PIK3C2G: variants seen among roughly 807,000 people sequenced by gnomAD.
PIK3C2G encodes the protein phosphatidylinositol 3-kinase C2 domain-containing subunit gamma.
In PIK3C2G, 168 loss-of-function variants were observed where a neutral mutation model predicts 181.1. The ratio of observed to expected loss-of-function variants is 0.93; its 90% CI spans 0.82 to 1.05. The LOEUF (loss-of-function observed/expected upper bound fraction) is 1.05. Ranked by LOEUF, PIK3C2G falls within the 50% of genes least tolerant of loss-of-function variation. The probability of loss-of-function intolerance (pLI) is 0.00; values close to 1 mark genes in which losing one functional copy is unlikely to be tolerated. For synonymous variants in PIK3C2G, 573 were observed against 592.2 expected (o/e 0.97, Z 0.47); for missense variants, 1,869 against 1,732.8 (o/e 1.08, Z -1.40).
At chr12:18,544,770 C>T (rs1356368081) in intron 25 of PIK3C2G, among the ~76,000 whole-genome samples, 2 of 151,804 alleles carry the variant, frequency 1.3e-5, no homozygotes, top group African/African-American at 4.8e-5. Flanking sequence ...TGACAACTCT[C>T]CAGGACTCCC....
intron 20 of PIK3C2G, among the ~76,000 whole-genome samples, chr12:18,494,691 CT>C (rs1301817082): frequency 8.3e-6 from 1 of 121,180 alleles, no homozygotes; most frequent in Non-Finnish European, 1.8e-5. Context: ...TTAAAAACCA[CT>C]GATCTACACT....
intron 15 of PIK3C2G, among the ~76,000 whole-genome samples, chr12:18,391,775 C>T (rs914364652): frequency 6.6e-5 from 10 of 152,072 alleles, no homozygotes; most frequent in Non-Finnish European, 1.2e-4. Flanking sequence ...GTAGTTGATA[C>T]TTGGCAAAAT....
chr12:18,428,771 C>T (rs1945984242), intron 18 of PIK3C2G, among the ~76,000 whole-genome samples: 1 of 152,156 alleles, frequency 6.6e-6, no homozygotes, highest in Non-Finnish European at 1.5e-5. Context: ...AGTGAGTTAA[C>T]TAGAAGCTTT....
intron 12 of PIK3C2G, among the ~76,000 whole-genome samples, chr12:18,367,463 C>A (rs1274898626): frequency 1.3e-5 from 2 of 152,264 alleles, no homozygotes; most frequent in South Asian, 4.1e-4. Context: ...TTATTTTTCT[C>A]CATTAAGTCT....
At position 18,505,364 on chromosome 12, in the gene PIK3C2G, C is replaced by G; in HGVS notation, c.3226C>G (p.His1076Asp). The G allele has an allele frequency of 6.2e-7, 1 of 1,613,188 alleles. No homozygotes were observed. Among genetic ancestry groups the G allele is most frequent in the Non-Finnish European group, 8.5e-7 (1 of 1,179,528 alleles). Residue 1076 changes from histidine (H) to aspartate (D), a missense_variant, in exon 24 of 33, where the codon CAC becomes GAC. By Grantham distance (81) the His-to-Asp change is moderately conservative. Transcript: ENST00000538779. ...VTFILGVCDR[H>D]NDNIMLTKSG... ...ATTCATCCTGGGAGTATGTGACCGT[C>G]ACAATGATAATATCATGCTGACAAA...
intron 15 of PIK3C2G, among the ~76,000 whole-genome samples, chr12:18,392,701 A>T (rs1456784618): frequency 6.6e-6 from 1 of 151,976 alleles, no homozygotes; most frequent in Non-Finnish European, 1.5e-5. Flanking sequence ...CTGCCCACTC[A>T]TGTGTTTAGC....
At chr12:18,545,648 T>C (rs1944384760) in intron 25 of PIK3C2G, among the ~76,000 whole-genome samples, 1 of 151,852 alleles carries the variant, frequency 6.6e-6, no homozygotes, top group African/African-American at 2.4e-5. Flanking sequence ...GGCAGGAAAA[T>C]ATCTTATACA....
At chr12:18,607,812 C>T (rs1206783091) in intron 30 of PIK3C2G, among the ~76,000 whole-genome samples, 1 of 152,092 alleles carries the variant, frequency 6.6e-6, no homozygotes, top group Non-Finnish European at 1.5e-5. Flanking sequence ...TGACAAAGGG[C>T]TAGTATCCAG....
chr12:18,495,174 T>C (rs1219551995), intron 20 of PIK3C2G, among the ~76,000 whole-genome samples: 4 of 152,116 alleles, frequency 2.6e-5, no homozygotes, highest in Non-Finnish European at 4.4e-5. Flanking sequence ...CATATTTTAC[T>C]AAGTTGATAA....
chr12:18,391,580 A>G (rs17847793), intron 15 of PIK3C2G, among the ~76,000 whole-genome samples: 17,928 of 152,228 alleles, frequency 0.12, 1,049 homozygotes, highest in Non-Finnish European at 0.13. Flanking sequence ...TCCAGGAGGT[A>G]GAAAGTTGTT....
chr12:18,326,651 T>C (rs1308407666), intron 8 of PIK3C2G, among the ~76,000 whole-genome samples: 1 of 152,142 alleles, frequency 6.6e-6, no homozygotes, highest in African/African-American at 2.4e-5. Context: ...GTTTAAAATG[T>C]GGAATGTGAA....
At chr12:18,719,377 C>A in the PIK3C2G span, 1 of 1,093,686 alleles carries the variant, frequency 9.1e-7, no homozygotes, top group Non-Finnish European at 1.2e-6. Flanking sequence ...GTAGACACTG[C>A]CAGGAACTTC....
chr12:18,267,314 T>G (rs1948543421), intron 1 of PIK3C2G, among the ~76,000 whole-genome samples: 1 of 152,128 alleles, frequency 6.6e-6, no homozygotes, highest in Admixed American at 6.5e-5. Flanking sequence ...TCATTTTGTT[T>G]TGCTACTTTT....
intron 18 of PIK3C2G, among the ~76,000 whole-genome samples, chr12:18,431,630 C>T (rs1215887890): frequency 2.0e-5 from 3 of 152,140 alleles, no homozygotes; most frequent in African/African-American, 7.2e-5. Flanking sequence ...AAGAGCTGTA[C>T]TTCAGGGAGG....
intron 5 of PIK3C2G, among the ~76,000 whole-genome samples, chr12:18,298,508 CTGTTGATTGTTT>C (rs1188663480): frequency 6.6e-6 from 1 of 150,402 alleles, no homozygotes; most frequent in Non-Finnish European, 1.5e-5. Flanking sequence ...CAGATTGTCT[CTGTTGATTGTTT>C]TGTTTGCTAT....
At chr12:18,644,768 T>C (rs375714283) in intron 32 of PIK3C2G, among the ~76,000 whole-genome samples, 16 of 152,312 alleles carry the variant, frequency 1.1e-4, no homozygotes, top group African/African-American at 3.8e-4. Flanking sequence ...TACACTATGC[T>C]GTTATTCCTA....
intron 5 of PIK3C2G, among the ~76,000 whole-genome samples, chr12:18,303,126 C>CTTTCTTTCTTTCTT (rs1555153578): frequency 1.8e-5 from 2 of 109,384 alleles, no homozygotes; most frequent in African/African-American, 6.5e-5. Flanking sequence ...TTCTTTCTTT[C>CTTTCTTTCTTTCTT]TTTCTTTCTT....
chr12:18,414,133 A>G (rs1945032413), intron 16 of PIK3C2G, among the ~76,000 whole-genome samples: 1 of 152,138 alleles, frequency 6.6e-6, no homozygotes, highest in African/African-American at 2.4e-5. Flanking sequence ...AAGGCAACTA[A>G]AAAGTAGAAT....
At chr12:18,644,765 T>C (rs995240429) in intron 32 of PIK3C2G, among the ~76,000 whole-genome samples, 2 of 152,194 alleles carry the variant, frequency 1.3e-5, no homozygotes, top group African/African-American at 4.8e-5. Context: ...CACTACACTA[T>C]GCTGTTATTC....
Sources: gnomAD v4.1 joint callset for allele counts (sites outside exome capture counted in the v4.1 genomes callset) on GRCh38, gnomAD v4.1.1 for gene constraint, MANE v1.5 for transcripts, NCBI Gene and HGNC (gene_info 2026-07-23, HGNC 2026-07-21) for gene names.